TTF1: variants seen among roughly 807,000 people sequenced by gnomAD.
TTF1 encodes the protein transcription termination factor 1.
In TTF1, 64 loss-of-function variants were observed where a neutral mutation model predicts 80.2. That is an observed-to-expected ratio of 0.80 (90% CI 0.65 to 0.98). TTF1 has a LOEUF of 0.98. Among genes scored for constraint, TTF1 ranks in the 50% least tolerant of loss-of-function variants. The pLI is 0.00. For missense variants in TTF1, 1,023 were observed against 1,086.2 expected, an observed-to-expected ratio of 0.94 and a Z score of 0.82; for synonymous variants, 372 against 382.7, an observed-to-expected ratio of 0.97 and a Z score of 0.33.
chr9:132,386,379 C>T (rs1564184921), intron 9 of TTF1, among the ~76,000 whole-genome samples, 177 bp downstream of exon 9: 1 of 152,172 alleles, frequency 6.6e-6, no homozygotes, highest in Non-Finnish European at 1.5e-5. Flanking sequence ...CCTAAAATTA[C>T]AGTTTCCTCT....
chr9:132,386,564 A>C lies in TTF1; in HGVS notation c.2370T>G (p.Ser790Arg). ...TAAACAAATGGTCTTACCCTATGGCACTAGCAAGATCTTCCCAGTCTATTT... is the reference window on the plus strand; with the variant it reads ...TAAACAAATGGTCTTACCCTATGGCCCTAGCAAGATCTTCCCAGTCTATTT... ...TNEIDWEDLA[S>R]AIGDVPPSYV... The change falls in exon 9 of 11, where the codon AGT becomes AGG. Residue 790 changes from serine (S) to arginine (R), a missense_variant. By Grantham distance (110) the Ser-to-Arg change is moderately radical. Transcript: ENST00000334270. The C allele has an allele frequency of 6.2e-7, 1 of 1,611,478 alleles. No homozygotes were observed. Among genetic ancestry groups the C allele is most frequent in the Non-Finnish European group, 8.5e-7 (1 of 1,177,674 alleles).
chr9:132,390,129 G>GC (rs1346068465), intron 7 of TTF1, among the ~76,000 whole-genome samples: 1 of 152,054 alleles, frequency 6.6e-6, no homozygotes, highest in South Asian at 2.1e-4. Flanking sequence ...GTGGCTGTGA[G>GC]CCACCACACT....
At position 132,384,450 on chromosome 9, in the gene TTF1, A is replaced by C. The variant is rs1276203411; in HGVS notation, c.2378+2106T>G. 1.3e-5 allele frequency among the ~76,000 whole-genome samples: 2 copies of C among 152,180 alleles called. No individual in the cohort carries two copies. Among genetic ancestry groups the C allele is most frequent in the Non-Finnish European group, 2.9e-5 (2 of 68,042 alleles). On this transcript the variant is annotated intron_variant, in intron 9 of 10. Coordinates refer to ENST00000334270, the MANE Select transcript of TTF1 (RefSeq NM_007344.4). The surrounding 1 kb of genome is among the most constrained non-coding windows in gnomAD (Gnocchi z 4.1). ...CGCAATCAAAGCTGGTGCTTTGAAA[A>C]GACAATCTCTGGTAACTCCTATTCA...
chr9:132,389,850 C>A (rs1247773764), intron 7 of TTF1, among the ~76,000 whole-genome samples: 1 of 152,230 alleles, frequency 6.6e-6, no homozygotes, highest in African/African-American at 2.4e-5. Context: ...CAGCCAGGAG[C>A]ATGCCTACCT....
At chr9:132,391,412 C>A (rs1473755755) in intron 6 of TTF1, among the ~76,000 whole-genome samples, 3 of 147,086 alleles carry the variant, frequency 2.0e-5, no homozygotes, top group Non-Finnish European at 3.0e-5. Flanking sequence ...GGTCTGGCCA[C>A]AGAATGTTAC....
chr9:132,388,122 GT>G lies in TTF1; in HGVS notation c.2312+16del. On this transcript the variant is annotated intron_variant, in intron 8 of 10. Coordinates refer to ENST00000334270, the MANE Select transcript of TTF1 (RefSeq NM_007344.4). ...AGACAGAAACAGTTAAGAGGCATCC[GT>G]TTCTATTTTTCATACCTTTCAATAA... The G allele has an allele frequency of 6.3e-7, 1 of 1,594,642 alleles. No individual in the cohort carries two copies. The highest frequency in any genetic ancestry group is 8.6e-7 in the Non-Finnish European group (1 of 1,164,806).
rs1849543006 is a variant in TTF1 at position 132,390,652 on chromosome 9, C to T, written c.2167G>A (p.Val723Ile). Residue 723 changes from valine to isoleucine, a missense_variant, in exon 7 of 11, where the codon GTA becomes ATA. Physicochemically the swap from Val to Ile is conservative, Grantham distance 29 (BLOSUM62 3). Transcript: ENST00000334270. ...REKLYKGISW[V>I]EVEAKVQTRN... is the part of the protein sequence containing the mutation. ...GTTTGCACTTTAGCTTCTACTTCTA[C>T]CCAAGATATGCCCTTGTAGAGTTTT... The T allele has an allele frequency of 1.9e-6, 3 of 1,614,108 alleles. No individual in the cohort carries two copies. The highest frequency in any genetic ancestry group is 1.7e-6 in the Non-Finnish European group (2 of 1,180,042).
At chr9:132,399,964 C>T in intron 3 of TTF1, 71 bp downstream of exon 3, 1 of 1,459,220 alleles carries the variant, frequency 6.9e-7, no homozygotes, top group African/African-American at 1.4e-5. Context: ...TCTGAATCAT[C>T]CATAAAAGAA....
At chr9:132,400,937 C>A (rs775143628) in intron 2 of TTF1, among the ~76,000 whole-genome samples, 5 of 152,212 alleles carry the variant, frequency 3.3e-5, no homozygotes, top group Non-Finnish European at 7.3e-5. Flanking sequence ...TTATTTCACA[C>A]ATGAAGAAAT....
chr9:132,379,003 C>T, intron 10 of TTF1, 56 bp downstream of exon 10: 1 of 1,372,864 alleles, frequency 7.3e-7, no homozygotes, highest in Non-Finnish European at 1.0e-6. Context: ...CTTTCATTAC[C>T]AGCATGTGGC....
chr9:132,396,368 T>C (rs1368013102), intron 5 of TTF1, 65 bp downstream of exon 5: 3 of 1,489,900 alleles, frequency 2.0e-6, no homozygotes, highest in Non-Finnish European at 2.8e-6. Context: ...TGTGAATATT[T>C]TGATTTATGG....
chr9:132,385,213 A>C (rs946370242), intron 9 of TTF1, among the ~76,000 whole-genome samples: 2 of 152,066 alleles, frequency 1.3e-5, no homozygotes, highest in African/African-American at 4.8e-5. Flanking sequence ...CAGACCCCAC[A>C]CCAGACCAAT....
chr9:132,400,180 TC>T lies in TTF1; in HGVS notation c.1445del (p.Gly482GlufsTer14), dbSNP rs1205998386. 10 of 1,614,070 alleles carry T rather than the reference TC, an allele frequency of 6.2e-6. No individual in the cohort carries two copies. Among genetic ancestry groups the T allele is most frequent in the Non-Finnish European group, 8.5e-6 (10 of 1,180,042 alleles). ...SEIRYLSADS[G>X]DADDSDADLG... ...AATCCGCATCTGAATCATCGGCATC[TC>T]CTGAATCTGCAGATAAGTATCTTAT... On this transcript the variant is annotated frameshift_variant, in exon 3 of 11. Coordinates refer to ENST00000334270, the MANE Select transcript of TTF1 (RefSeq NM_007344.4). LOFTEE classifies it high-confidence loss of function.
Position 132,388,241 on chromosome 9 carries a change from G to T in TTF1, c.2223-13C>A. The T allele has an allele frequency of 6.4e-7, 1 of 1,567,012 alleles. No individual in the cohort carries two copies. ...TAGAATTTCTGTCCTACATTAAAAGGAAGAAAAACATAGTTTACTTTCAAG... is the reference window on the plus strand; with the variant it reads ...TAGAATTTCTGTCCTACATTAAAAGTAAGAAAAACATAGTTTACTTTCAAG... On this transcript the variant is annotated splice_polypyrimidine_tract_variant and intron_variant, in intron 7 of 10. Coordinates refer to ENST00000334270, the MANE Select transcript of TTF1 (RefSeq NM_007344.4).
intron 1 of TTF1, among the ~76,000 whole-genome samples, chr9:132,406,346 C>T (rs1479077473): frequency 6.6e-6 from 1 of 152,064 alleles, no homozygotes; most frequent in Non-Finnish European, 1.5e-5. Flanking sequence ...TCACGCTTGT[C>T]ATCCCAGCAC....
intron 9 of TTF1, among the ~76,000 whole-genome samples, chr9:132,386,056 G>A (rs1206065898): frequency 6.6e-6 from 1 of 152,084 alleles, no homozygotes. Context: ...TATGTACTGG[G>A]AAAATTCACT....
At chr9:132,397,664 A>AC (rs1849676000) in intron 4 of TTF1, among the ~76,000 whole-genome samples, 1 of 152,240 alleles carries the variant, frequency 6.6e-6, no homozygotes, top group Non-Finnish European at 1.5e-5. Context: ...AACACATTCC[A>AC]AATCCCAGAA....
In TTF1 at chr9:132,388,069, G is replaced by A. The variant is rs150376752; in HGVS notation, c.2312+70C>T. On this transcript the variant is annotated intron_variant, in intron 8 of 10. Coordinates refer to ENST00000334270, the MANE Select transcript of TTF1 (RefSeq NM_007344.4). ...CCTTGGCAATCTCACTGCAGACTCT[G>A]CTGGGTTAACAACTTCTCTTTGGCT... 1.8e-3 allele frequency: 2,229 copies of A among 1,261,102 alleles called. 8 individuals are homozygous for A. The highest frequency in any genetic ancestry group is 2.4e-3 in the Non-Finnish European group (2,083 of 879,850). The allele number at this position is 1,261,102 out of a possible 1,614,324, so 78.1% of individuals were successfully genotyped here.
intron 10 of TTF1, among the ~76,000 whole-genome samples, chr9:132,378,386 AGTGC>A (rs202195185): frequency 4.2e-5 from 3 of 71,606 alleles, no homozygotes; most frequent in Non-Finnish European, 7.9e-5. Context: ...GGTGTGTGTG[AGTGC>A]ATGCATGTGG....
Sources: gnomAD v4.1 joint callset for allele counts (sites outside exome capture counted in the v4.1 genomes callset) on GRCh38, gnomAD v4.1.1 for gene constraint, Gnocchi (gnomAD v3.1) non-coding constraint, MANE v1.5 for transcripts, NCBI Gene and HGNC (gene_info 2026-07-23, HGNC 2026-07-21) for gene names.